Variants in PHF19 observed in about 807,000 individuals in gnomAD.
The protein encoded by PHF19 is polycomb like 3.
PHF19 carries 21 observed loss-of-function variants against 79.8 expected under a neutral mutation model. The observed-to-expected ratio is 0.26, with a 90% CI of 0.19 to 0.38. The LOEUF (loss-of-function observed/expected upper bound fraction) is 0.38. Among genes scored for constraint, PHF19 ranks in the 10% least tolerant of loss-of-function variants. The probability of loss-of-function intolerance (pLI) is 1.00; values close to 1 mark genes in which losing one functional copy is unlikely to be tolerated. For synonymous variants in PHF19, 273 were observed against 296.3 expected (o/e 0.92, Z 0.81); for missense variants, 445 against 744.2 (o/e 0.60, Z 4.68).
chr9:120,893,388 T>C (rs527601129), intron 1 of PHF19, among the ~76,000 whole-genome samples: 2 of 152,280 alleles, frequency 1.3e-5, no homozygotes, highest in East Asian at 3.9e-4. Context: ...ATTATAGCAG[T>C]GATGGCAGGT....
upstream of PHF19, chr9:120,877,235 G>A: frequency 3.2e-6 from 3 of 942,194 alleles, no homozygotes; most frequent in Non-Finnish European, 3.8e-6. Flanking sequence ...GGCGGGGCGG[G>A]GCGGGGGCGC....
At chr9:120,872,436 A>G (rs546995987) in intron 3 of PHF19, among the ~76,000 whole-genome samples, 112 of 152,344 alleles carry the variant, frequency 7.4e-4, no homozygotes, top group South Asian at 1.9e-3. Flanking sequence ...GCTAAGGTGC[A>G]TGGTCTTCTC....
In PHF19 at chr9:120,870,187, C is replaced by G. The variant is rs2045853373; in HGVS notation, c.365-242G>C. Among the ~76,000 whole-genome samples the G allele has an allele frequency of 6.6e-6, 1 of 152,192 alleles. No individual in the cohort carries two copies. Among genetic ancestry groups the G allele is most frequent in the Non-Finnish European group, 1.5e-5 (1 of 68,028 alleles). On this transcript the variant is annotated intron_variant, in intron 4 of 14. Transcript: ENST00000373896. This position sits in a 1 kb window ranked among gnomAD's most constrained non-coding sequence, Gnocchi z 4.4. ...ACACAGGAAGGTCTGACTTCAGTGC[C>G]TGAGCCCCATCTTTCCCACCCATCC...
intron 10 of PHF19, among the ~76,000 whole-genome samples, chr9:120,863,355 G>A (rs1335640151): frequency 6.6e-6 from 1 of 151,944 alleles, no homozygotes; most frequent in Non-Finnish European, 1.5e-5. Flanking sequence ...TCAGCGATGA[G>A]GACCTTATTT....
Position 120,867,068 on chromosome 9 carries a change from G to A in PHF19, c.615-103C>T, listed in dbSNP as rs2045725561. 8.5e-6 allele frequency: 6 copies of A among 702,966 alleles called. No homozygotes were observed. The South Asian group carries it at 9.4e-5, about 11-fold the overall frequency. The allele number at this position is 702,966 out of a possible 1,614,324, so 43.5% of individuals were successfully genotyped here. ...TAAATTTGCCCTCCACTGGCAGAAA[G>A]GGAAGAGAATTCAGTTACTGAGCAC... is the stretch of plus-strand genomic sequence containing the variant. On this transcript the variant is annotated intron_variant, in intron 6 of 14. Coordinates refer to ENST00000373896, the MANE Select transcript of PHF19 (RefSeq NM_015651.3).
chr9:120,882,364 A>G (rs1333168523), intron 1 of PHF19, among the ~76,000 whole-genome samples: 1 of 152,260 alleles, frequency 6.6e-6, no homozygotes, highest in African/African-American at 2.4e-5. Flanking sequence ...GAAAATGTCA[A>G]AAAGCACGAG....
chr9:120,857,802 C>T lies in PHF19; in HGVS notation c.*142G>A, dbSNP rs1463327933. On this transcript the variant is annotated 3_prime_UTR_variant, in exon 15 of 15. Transcript: ENST00000373896. ...GAGACGCAGGCCTTGGCCTGGCAGGCAGGCAGGCAGGGCATTCTGCCAGGC... is the reference window on the plus strand; with the variant it reads ...GAGACGCAGGCCTTGGCCTGGCAGGTAGGCAGGCAGGGCATTCTGCCAGGC... The T allele has an allele frequency of 1.7e-6, 1 of 592,090 alleles. No individual in the cohort carries two copies. The highest frequency in any genetic ancestry group is 3.0e-6 in the Non-Finnish European group (1 of 337,566). 36.7% of individuals were successfully genotyped at this position (592,090 alleles called of 1,614,324 possible).
At chr9:120,897,840 G>A (rs557829424), upstream of PHF19, among the ~76,000 whole-genome samples, 1 of 151,960 alleles carries the variant, frequency 6.6e-6, no homozygotes, top group Admixed American at 6.6e-5. Context: ...TGAGCCGGGT[G>A]TGGTGGTGGG....
chr9:120,895,742 T>G (rs935295422), upstream of PHF19, among the ~76,000 whole-genome samples: 2 of 152,166 alleles, frequency 1.3e-5, no homozygotes, highest in Non-Finnish European at 2.9e-5. Flanking sequence ...AGCCTCGACC[T>G]CCTGGGCTCA....
intron 1 of PHF19, among the ~76,000 whole-genome samples, chr9:120,883,675 A>G (rs1424429771): frequency 6.6e-6 from 1 of 151,416 alleles, no homozygotes; most frequent in Non-Finnish European, 1.5e-5. Context: ...TGGGAGGATC[A>G]CTTGAGCCTG....
upstream of PHF19, chr9:120,877,390 G>C: frequency 8.2e-6 from 8 of 977,914 alleles, no homozygotes; most frequent in Non-Finnish European, 9.7e-6. Context: ...CGCCGGCCTC[G>C]CCATTGGAGC....
Position 120,860,305 on chromosome 9 carries a change from C to G in PHF19, c.1305-120G>C. The G allele has an allele frequency of 1.5e-6, 1 of 651,992 alleles. No homozygotes were observed. The highest frequency in any genetic ancestry group is 2.8e-6 in the Non-Finnish European group (1 of 353,976). 40.4% of individuals were successfully genotyped at this position (651,992 alleles called of 1,614,324 possible). A position where few individuals can be genotyped will look rare whatever the true frequency, so the allele number is the denominator to read the frequency against. ...CCAGTGGAGGCCCGTCTTCCCACAG[C>G]TGAGCTTCCCACCACCACACCTGTC... On this transcript the variant is annotated intron_variant, in intron 13 of 14. Coordinates refer to ENST00000373896, the MANE Select transcript of PHF19 (RefSeq NM_015651.3). This position sits in a 1 kb window ranked among gnomAD's most constrained non-coding sequence, Gnocchi z 4.1.
chr9:120,860,803 C>T lies in PHF19; in HGVS notation c.1304+286G>A, dbSNP rs2045498176. 2 of 365,966 alleles carry T rather than the reference C, an allele frequency of 5.5e-6. No homozygotes were observed. Among genetic ancestry groups the T allele is most frequent in the East Asian group, 1.1e-4 (2 of 17,856 alleles). The allele number at this position is 365,966 out of a possible 1,614,324, so 22.7% of individuals were successfully genotyped here. On this transcript the variant is annotated intron_variant, in intron 13 of 14. Transcript: ENST00000373896. The surrounding 1 kb of genome is among the most constrained non-coding windows in gnomAD (Gnocchi z 4.1). ...TCCTGAGTTTTCAGATGGGCTAGGG[C>T]AAGGCAAAGGGTATCTCAGGCAGAG...
rs1298623955 is a variant in PHF19, at chr9:120,869,989, G to A, written c.365-44C>T. ...CGGTGAGCGCCCACAAGGACATCGT[G>A]GCCCAAGGCCAGTTGGCCCAAAGGA... On this transcript the variant is annotated intron_variant, in intron 4 of 14. Transcript: ENST00000373896. This position sits in a 1 kb window ranked among gnomAD's most constrained non-coding sequence, Gnocchi z 5.8. 30 of 1,541,808 alleles carry A rather than the reference G, an allele frequency of 1.9e-5. No individual in the cohort carries two copies. Among genetic ancestry groups the A allele is most frequent in the Non-Finnish European group, 2.5e-5 (29 of 1,142,274 alleles).
intron 1 of PHF19, chr9:120,876,332 C>A (rs1470401951): frequency 6.6e-6 from 1 of 152,234 alleles, no homozygotes; most frequent in Non-Finnish European, 1.5e-5. Flanking sequence ...CGGCCAGGGG[C>A]CAGGCCGGGG....
rs113732693 is a variant in PHF19, at chr9:120,858,175, T to C, written c.1512A>G (p.Ala504=). The part of the protein sequence containing the change: ...LDGRCPSDSS[A]EGASVPERPD... The stretch of plus-strand genomic sequence containing the variant: ...GCCGCTCGGGGACTGAAGCCCCCTC[T>C]GCACTGCTGTCCGAGGGGCAGCGTC... Residue 504 remains alanine (A), a synonymous_variant, in exon 15 of 15, where the codon GCA becomes GCG. Transcript: ENST00000373896. The C allele has an allele frequency of 7.5e-5, 120 of 1,607,364 alleles. 1 individual carries two copies. In the African/African-American group the frequency reaches 1.4e-3, roughly 19 times the overall value.
At chr9:120,889,155 C>T (rs1475199209) in intron 1 of PHF19, among the ~76,000 whole-genome samples, 4 of 152,102 alleles carry the variant, frequency 2.6e-5, no homozygotes, top group Admixed American at 1.3e-4. Context: ...AGGCCAGGCG[C>T]GATGGCACAC....
chr9:120,860,369 A>C lies in PHF19; in HGVS notation c.1305-184T>G. 3.6e-6 allele frequency: 2 copies of C among 558,588 alleles called. No individual in the cohort carries two copies. Among genetic ancestry groups the C allele is most frequent in the Non-Finnish European group, 3.2e-6 (1 of 309,240 alleles). 34.6% of individuals were successfully genotyped at this position (558,588 alleles called of 1,614,324 possible). A position where few individuals can be genotyped will look rare whatever the true frequency, so the allele number is the denominator to read the frequency against. The stretch of plus-strand genomic sequence containing the variant: ...GCCACCCTTCAAAGTCCAAGAAGTC[A>C]AAAAAACCTCCTGGAGCACCCTCCC... On this transcript the variant is annotated intron_variant, in intron 13 of 14. Coordinates refer to ENST00000373896, the MANE Select transcript of PHF19 (RefSeq NM_015651.3). The surrounding 1 kb of genome is among the most constrained non-coding windows in gnomAD (Gnocchi z 4.1).
the PHF19 span, among the ~76,000 whole-genome samples, chr9:120,900,031 G>A: frequency 5.9e-5 from 9 of 152,052 alleles, no homozygotes; most frequent in African/African-American, 2.2e-4. Context: ...CTGTCACCCA[G>A]GCTGAAGTGC....
Sources: gnomAD v4.1 joint callset for allele counts (sites outside exome capture counted in the v4.1 genomes callset) on GRCh38, gnomAD v4.1.1 for gene constraint, Gnocchi (gnomAD v3.1) non-coding constraint, MANE v1.5 for transcripts, NCBI Gene and HGNC (gene_info 2026-07-23, HGNC 2026-07-21) for gene names.